Variants in BANK1 observed in about 807,000 individuals in gnomAD.
The protein encoded by BANK1 is B cell scaffold protein with ankyrin repeats 1.
In BANK1, 95 loss-of-function variants were observed where a neutral mutation model predicts 94.5. That is an observed-to-expected ratio of 1.00 (90% CI 0.85 to 1.19). BANK1 has a LOEUF of 1.19. BANK1 is among the 50% of genes most tolerant of loss of function. The pLI, the probability that BANK1 is intolerant of heterozygous loss-of-function variation, is 0.00. For synonymous variants in BANK1, 334 were observed against 308.4 expected, an observed-to-expected ratio of 1.08 and a Z score of -0.87; for missense variants, 987 against 932.2, an observed-to-expected ratio of 1.06 and a Z score of -0.77.
intron 7 of BANK1, among the ~76,000 whole-genome samples, chr4:101,963,443 T>C (rs1417568692): frequency 6.6e-6 from 1 of 152,164 alleles, no homozygotes; most frequent in Non-Finnish European, 1.5e-5. Flanking sequence ...TATAATTTTC[T>C]TCATTTCGGC....
At position 101,829,890 on chromosome 4, in the gene BANK1, T is replaced by G; in HGVS notation, c.153T>G (p.Val51=). ...ALYLTEVFLH[V]VKREAILLYR... is the part of the protein sequence containing the mutation. ...ACTTGACAGAAGTATTTTTACATGT[T>G]GTGAAAAGGGAAGCCATCCTGTTAT... Residue 51 remains valine (V), a synonymous_variant, in exon 2 of 17, where the codon GTT becomes GTG. Coordinates refer to ENST00000322953, the MANE Select transcript of BANK1 (RefSeq NM_017935.5). The G allele has an allele frequency of 6.2e-7, 1 of 1,613,456 alleles. No homozygotes were observed. The highest frequency in any genetic ancestry group is 1.3e-5 in the African/African-American group (1 of 75,016).
chr4:101,868,091 G>C (rs561181307), intron 4 of BANK1, among the ~76,000 whole-genome samples: 2 of 151,930 alleles, frequency 1.3e-5, no homozygotes, highest in Non-Finnish European at 2.9e-5. Context: ...ATTAAGACAC[G>C]GGTAAATCAA....
intron 4 of BANK1, among the ~76,000 whole-genome samples, chr4:101,863,879 G>T (rs1727973317): frequency 1.3e-5 from 2 of 152,030 alleles, no homozygotes; most frequent in African/African-American, 4.8e-5. Flanking sequence ...TATCAATATT[G>T]CAAATTAAGA....
intron 1 of BANK1, among the ~76,000 whole-genome samples, chr4:101,806,972 A>G (rs1387862578): frequency 6.6e-6 from 1 of 152,180 alleles, no homozygotes; most frequent in Admixed American, 6.5e-5. Context: ...CAAATACCCT[A>G]AGTTCACAAA....
Position 101,798,808 on chromosome 4 carries a change from G to A in BANK1, c.70+7858G>A, listed in dbSNP as rs572553235. Among the ~76,000 whole-genome samples the A allele has an allele frequency of 2.2e-3, 332 of 152,276 alleles. 1 individual carries two copies. The highest frequency in any genetic ancestry group is 0.017 in the Middle Eastern group (5 of 294). ...CCTTTGCCCACTTTTTGATGGGGTT[G>A]TTTGATTTTTTCTTGTAAATTTGTG... On this transcript the variant is annotated intron_variant, in intron 1 of 16. Transcript: ENST00000322953.
In BANK1 at chr4:102,009,995, C is replaced by A. The variant is rs2850389; in HGVS notation, c.1207-11519C>A. On this transcript the variant is annotated intron_variant, in intron 7 of 16. Coordinates refer to ENST00000322953, the MANE Select transcript of BANK1 (RefSeq NM_017935.5). ...AAAATTGAAGTCTGTGGCTGGGTGC[C>A]GTGGCTCACGCCTGTAATCCCAGCA... 1.9e-3 allele frequency among the ~76,000 whole-genome samples: 292 copies of A among 152,018 alleles called. 1 individual carries two copies. Among genetic ancestry groups the A allele is most frequent in the African/African-American group, 6.0e-3 (248 of 41,474 alleles).
intron 1 of BANK1, among the ~76,000 whole-genome samples, chr4:101,810,156 C>T (rs1351675597): frequency 2.0e-5 from 3 of 152,116 alleles, no homozygotes; most frequent in African/African-American, 7.2e-5. Flanking sequence ...CTGTGGGTAG[C>T]CTTCAGAAGC....
chr4:101,961,363 A>G (rs1269224591), intron 7 of BANK1, among the ~76,000 whole-genome samples: 1 of 152,150 alleles, frequency 6.6e-6, no homozygotes, highest in Admixed American at 6.6e-5. Context: ...GCTGAGTTGC[A>G]TCCTTATTAG....
Position 101,870,562 on chromosome 4 carries a change from C to T in BANK1, c.821C>T (p.Thr274Ile). 1 of 1,612,894 alleles carries T rather than the reference C, an allele frequency of 6.2e-7. No individual in the cohort carries two copies. The highest frequency in any genetic ancestry group is 8.5e-7 in the Non-Finnish European group (1 of 1,179,244). The change falls in exon 5 of 17, where the codon ACA becomes ATA. Residue 274 changes from threonine (T) to isoleucine (I), a missense_variant. Transcript: ENST00000322953. ...NVYCDGIVKATTKIKYYPTAK... is the reference protein window; with the variant it reads ...NVYCDGIVKAITKIKYYPTAK... ...TACTGTGATGGAATCGTTAAAGCTA[C>T]AACCAAAATTAAGTACTACCCAACA...
At chr4:102,047,546 TAAAC>T (rs1184234619) in intron 11 of BANK1, among the ~76,000 whole-genome samples, 2 of 152,090 alleles carry the variant, frequency 1.3e-5, no homozygotes, top group South Asian at 2.1e-4. Flanking sequence ...ACGAAAGAAT[TAAAC>T]AAAGTAGATA....
chr4:101,964,409 TA>T (rs1351366070), intron 7 of BANK1, among the ~76,000 whole-genome samples: 6 of 152,108 alleles, frequency 3.9e-5, no homozygotes, highest in Non-Finnish European at 7.4e-5. Flanking sequence ...AAAAAAACCG[TA>T]ACTGATCTAT....
chr4:101,898,602 G>A (rs368394130), intron 6 of BANK1, among the ~76,000 whole-genome samples: 40 of 152,110 alleles, frequency 2.6e-4, no homozygotes, highest in Non-Finnish European at 4.1e-4. Flanking sequence ...TTGACCTACC[G>A]TAAGGATTTG....
intron 6 of BANK1, among the ~76,000 whole-genome samples, chr4:101,905,710 C>A (rs1367139550): frequency 3.3e-5 from 5 of 152,094 alleles, no homozygotes; most frequent in Non-Finnish European, 5.9e-5. Flanking sequence ...CCTCCGATAC[C>A]ATCACAGGCC....
chr4:102,007,889 C>T (rs1726358501), intron 7 of BANK1, among the ~76,000 whole-genome samples: 1 of 152,116 alleles, frequency 6.6e-6, no homozygotes, highest in Admixed American at 6.5e-5. Context: ...ATTATTCAAA[C>T]TCTGTAGAAT....
intron 6 of BANK1, among the ~76,000 whole-genome samples, chr4:101,917,352 G>T (rs1019584665): frequency 6.6e-6 from 1 of 151,796 alleles, no homozygotes; most frequent in Non-Finnish European, 1.5e-5. Flanking sequence ...ATTTTACAGT[G>T]ATATAAAATT....
At chr4:102,012,875 G>A (rs908462187) in intron 7 of BANK1, among the ~76,000 whole-genome samples, 2 of 152,046 alleles carry the variant, frequency 1.3e-5, no homozygotes, top group African/African-American at 4.8e-5. Context: ...GTAAACCTGG[G>A]TTCCTGTTCA....
At chr4:101,942,846 A>G (rs1723800852) in intron 7 of BANK1, among the ~76,000 whole-genome samples, 1 of 151,976 alleles carries the variant, frequency 6.6e-6, no homozygotes, top group African/African-American at 2.4e-5. Flanking sequence ...ATTAAATATC[A>G]AATTAGGCTG....
chr4:101,960,560 C>T (rs948427151), intron 7 of BANK1, among the ~76,000 whole-genome samples: 2 of 151,874 alleles, frequency 1.3e-5, no homozygotes, highest in African/African-American at 4.8e-5. Flanking sequence ...AGATAACATG[C>T]AATGGAGAAC....
At chr4:101,993,857 A>T (rs1002349271) in intron 7 of BANK1, among the ~76,000 whole-genome samples, 9 of 152,214 alleles carry the variant, frequency 5.9e-5, no homozygotes, top group Admixed American at 3.9e-4. Flanking sequence ...TTGCAGTTTA[A>T]GCTTTTCTTA....
Sources: gnomAD v4.1 joint callset for allele counts (sites outside exome capture counted in the v4.1 genomes callset) on GRCh38, gnomAD v4.1.1 for gene constraint, MANE v1.5 for transcripts, NCBI Gene and HGNC (gene_info 2026-07-23, HGNC 2026-07-21) for gene names.